The following SLC22A14 variants were observed in gnomAD, a reference collection of about 807,000 sequenced individuals.
SLC22A14 encodes the protein solute carrier family 22 member 14, also known as organic cation transporter-like 4.
SLC22A14 carries 50 observed loss-of-function variants against 53.9 expected under a neutral mutation model. That is an observed-to-expected ratio of 0.93 (90% CI 0.74 to 1.17). The LOEUF is 1.17. SLC22A14 is among the 50% of genes most tolerant of loss of function. The pLI, the probability that SLC22A14 is intolerant of heterozygous loss-of-function variation, is 0.00. For missense variants in SLC22A14, 671 were observed against 734.7 expected, an observed-to-expected ratio of 0.91 and a Z score of 1.00; for synonymous variants, 312 against 303.0, an observed-to-expected ratio of 1.03 and a Z score of -0.31.
intron 1 of SLC22A14, among the ~76,000 whole-genome samples, chr3:38,297,098 A>G (rs1211657382): frequency 6.6e-6 from 1 of 152,200 alleles, no homozygotes; most frequent in Admixed American, 6.5e-5. Flanking sequence ...CTGGGTTTAT[A>G]TCCTGATCAT....
At chr3:38,296,182 T>C (rs1049119805) in intron 1 of SLC22A14, among the ~76,000 whole-genome samples, 1 of 152,222 alleles carries the variant, frequency 6.6e-6, no homozygotes, top group Admixed American at 6.5e-5. Context: ...GGCACACGCA[T>C]GGGCGGCTGT....
intron 1 of SLC22A14, among the ~76,000 whole-genome samples, chr3:38,300,675 G>T (rs371175728): frequency 6.6e-6 from 1 of 152,154 alleles, no homozygotes; most frequent in African/African-American, 2.4e-5. Flanking sequence ...GCCCAGCATT[G>T]TTATTGGGGG....
intron 1 of SLC22A14, among the ~76,000 whole-genome samples, chr3:38,292,778 G>A (rs4955405): frequency 0.064 from 9,772 of 152,072 alleles, 374 homozygotes; most frequent in East Asian, 0.16. Flanking sequence ...TCCTATGTTC[G>A]GGTGTGTAAT....
At chr3:38,293,900 G>A (rs1047790416) in intron 1 of SLC22A14, among the ~76,000 whole-genome samples, 16 of 152,100 alleles carry the variant, frequency 1.1e-4, no homozygotes, top group African/African-American at 3.9e-4. Flanking sequence ...TCTCATTTGG[G>A]GTTAATGTCG....
intron 2 of SLC22A14, among the ~76,000 whole-genome samples, chr3:38,306,749 G>A (rs1393441632): frequency 2.6e-5 from 4 of 152,234 alleles, no homozygotes; most frequent in African/African-American, 9.6e-5. Context: ...TTGGGGTAGA[G>A]ATGGGTGCTG....
At chr3:38,317,166 C>T (rs1047681442) in intron 10 of SLC22A14, among the ~76,000 whole-genome samples, 2 of 152,210 alleles carry the variant, frequency 1.3e-5, no homozygotes, top group African/African-American at 2.4e-5. Flanking sequence ...CAGTGAGGAG[C>T]AGAGGTTGCC....
chr3:38,306,378 C>A lies in SLC22A14; in HGVS notation c.352C>A (p.Leu118Met). 6.2e-7 allele frequency: 1 copy of A among 1,614,234 alleles called. No individual in the cohort carries two copies. The highest frequency in any genetic ancestry group is 8.5e-7 in the Non-Finnish European group (1 of 1,180,042). Reference sequence around the variant, plus strand: ...CCTGTCCAAAGCTGAGCAGCTGAATCTGACCATACCCCAAGCACCCAATGG... The same window carrying A: ...CCTGTCCAAAGCTGAGCAGCTGAATATGACCATACCCCAAGCACCCAATGG... ...PHLSKAEQLN[L>M]TIPQAPNGSF... Residue 118 changes from leucine to methionine, a missense_variant, in exon 2 of 11, where the codon CTG becomes ATG. Physicochemically the swap from Leu to Met is conservative, Grantham distance 15. Coordinates refer to ENST00000448498, the MANE Select transcript of SLC22A14 (RefSeq NM_001320033.2).
At chr3:38,317,847 G>A (rs557641007) in intron 10 of SLC22A14, among the ~76,000 whole-genome samples, 1 of 152,312 alleles carries the variant, frequency 6.6e-6, no homozygotes, top group African/African-American at 2.4e-5. Context: ...GCACAGAGAG[G>A]TAAGGCCATG....
At chr3:38,286,263 T>C (rs1466985763) in intron 1 of SLC22A14, among the ~76,000 whole-genome samples, 1 of 151,952 alleles carries the variant, frequency 6.6e-6, no homozygotes, top group Non-Finnish European at 1.5e-5. Flanking sequence ...ACTTCTAAAG[T>C]TTTGTCAATC....
rs1453784880 is a variant in SLC22A14 at position 38,307,829 on chromosome 3, C to A, written c.775+109C>A. On this transcript the variant is annotated intron_variant, in intron 4 of 10. Transcript: ENST00000448498. This position sits in a 1 kb window ranked among gnomAD's most constrained non-coding sequence, Gnocchi z 4.4. ...GGGGCGTGGCGGCATAGGCAGATGGCAAGGGGGCGTGGTGTAGCTGTAAGA... is the reference window on the plus strand; with the variant it reads ...GGGGCGTGGCGGCATAGGCAGATGGAAAGGGGGCGTGGTGTAGCTGTAAGA... 2.5e-6 allele frequency: 3 copies of A among 1,223,466 alleles called. No homozygotes were observed. Among genetic ancestry groups the A allele is most frequent in the Non-Finnish European group, 3.5e-6 (3 of 855,646 alleles). The allele number at this position is 1,223,466 out of a possible 1,614,324, so 75.8% of individuals were successfully genotyped here.
intron 1 of SLC22A14, among the ~76,000 whole-genome samples, chr3:38,293,768 A>G (rs927542362): frequency 1.6e-4 from 24 of 152,222 alleles, no homozygotes; most frequent in Non-Finnish European, 2.9e-4. Context: ...ATGAGGGTCT[A>G]CACTGGGAAC....
chr3:38,305,848 A>AG (rs1240733058), intron 1 of SLC22A14, 179 bp from the exon 2 acceptor site: 4 of 643,878 alleles, frequency 6.2e-6, no homozygotes, highest in South Asian at 2.0e-5. Flanking sequence ...TGGTTGGGCC[A>AG]GGGGGGAATA....
intron 1 of SLC22A14, among the ~76,000 whole-genome samples, chr3:38,302,678 A>G (rs1451240109): frequency 1.3e-5 from 2 of 152,172 alleles, no homozygotes; most frequent in Non-Finnish European, 2.9e-5. Context: ...TGTCTTTACT[A>G]TGATATATTT....
At chr3:38,317,802 G>A (rs565561795) in intron 10 of SLC22A14, among the ~76,000 whole-genome samples, 1 of 152,322 alleles carries the variant, frequency 6.6e-6, no homozygotes, top group East Asian at 1.9e-4. Context: ...GGTAGGTTCT[G>A]TCACTATCCC....
intron 1 of SLC22A14, among the ~76,000 whole-genome samples, chr3:38,300,709 T>G (rs1210891700): frequency 6.6e-6 from 1 of 152,194 alleles, no homozygotes. Flanking sequence ...CACACAGTGC[T>G]TTCATGATTT....
chr3:38,282,742 G>A (rs186037569), intron 1 of SLC22A14, among the ~76,000 whole-genome samples: 1 of 152,240 alleles, frequency 6.6e-6, no homozygotes, highest in East Asian at 1.9e-4. Flanking sequence ...TGCTGAAGCG[G>A]TCCCTGCAGA....
At chr3:38,289,431 G>T (rs1377518312) in intron 1 of SLC22A14, among the ~76,000 whole-genome samples, 1 of 152,120 alleles carries the variant, frequency 6.6e-6, no homozygotes, top group East Asian at 1.9e-4. Context: ...TACCCAGGGG[G>T]TCCTTGCTTC....
chr3:38,292,672 A>G (rs1370097600), intron 1 of SLC22A14, among the ~76,000 whole-genome samples: 1 of 152,036 alleles, frequency 6.6e-6, no homozygotes, highest in East Asian at 1.9e-4. Flanking sequence ...TTTGAACAGG[A>G]CGGGAATTCT....
At position 38,318,191 on chromosome 3, in the gene SLC22A14, C is replaced by T. The variant is rs915257929; in HGVS notation, c.1734-7C>T. ...GCCCTGGACTCATCCTCTGATGGCT[C>T]TTTCAGGAATAAGGTCAAGGACATG... is the stretch of plus-strand genomic sequence containing the variant. On this transcript the variant is annotated splice_region_variant and splice_polypyrimidine_tract_variant and intron_variant, in intron 10 of 10. Coordinates refer to ENST00000448498, the MANE Select transcript of SLC22A14 (RefSeq NM_001320033.2). 2 of 1,613,756 alleles carry T rather than the reference C, an allele frequency of 1.2e-6. No homozygotes were observed. The highest frequency in any genetic ancestry group is 1.7e-5 in the Admixed American group (1 of 60,022).
Sources: gnomAD v4.1 joint callset for allele counts (sites outside exome capture counted in the v4.1 genomes callset) on GRCh38, gnomAD v4.1.1 for gene constraint, Gnocchi (gnomAD v3.1) non-coding constraint, MANE v1.5 for transcripts, NCBI Gene and HGNC (gene_info 2026-07-23, HGNC 2026-07-21) for gene names.